GRAMD1B: variants seen among roughly 807,000 people sequenced by gnomAD.
GRAMD1B encodes GRAM domain containing 1B.
A neutral mutation model predicts 99.7 loss-of-function variants in GRAMD1B; 37 were observed. The ratio of observed to expected loss-of-function variants is 0.37; its 90% confidence interval spans 0.29 to 0.49. The LOEUF (loss-of-function observed/expected upper bound fraction) is 0.49. Among genes scored for constraint, GRAMD1B ranks in the 20% least tolerant of loss-of-function variants. The probability of loss-of-function intolerance (pLI) is 0.98; values close to 1 mark genes in which losing one functional copy is unlikely to be tolerated. For missense variants in GRAMD1B, 888 were observed against 1,009.2 expected, an observed-to-expected ratio of 0.88 and a Z score of 1.63; for synonymous variants, 427 against 387.6, an observed-to-expected ratio of 1.10 and a Z score of -1.19.
chr11:123,358,843 T>TCCTA (rs1289322820), intron 1 of GRAMD1B: 38 of 152,340 alleles, frequency 2.5e-4, no homozygotes, highest in African/African-American at 8.9e-4. Context: ...GGAACACACA[T>TCCTA]GGATGCCGAG....
chr11:123,427,471 G>C (rs1031659489), upstream of GRAMD1B, among the ~76,000 whole-genome samples: 1 of 152,182 alleles, frequency 6.6e-6, no homozygotes, highest in Non-Finnish European at 1.5e-5. Context: ...CAGGATACTG[G>C]AGAGAATTAA....
intron 1 of GRAMD1B, 190 bp from the exon 2 acceptor site, chr11:123,480,626 G>T (rs1951542398): frequency 8.0e-6 from 3 of 376,764 alleles, no homozygotes; most frequent in Non-Finnish European, 1.4e-5. Context: ...GATGGCTGGG[G>T]ATTTTATCAG....
intron 2 of GRAMD1B, among the ~76,000 whole-genome samples, chr11:123,518,653 G>A (rs1336051243): frequency 1.3e-5 from 2 of 152,190 alleles, no homozygotes; most frequent in Admixed American, 6.5e-5. Context: ...ACCTCACTAA[G>A]CCTGCGTGTC....
chr11:123,507,191 A>G (rs1275234535), intron 2 of GRAMD1B, among the ~76,000 whole-genome samples: 1 of 152,216 alleles, frequency 6.6e-6, no homozygotes, highest in African/African-American at 2.4e-5. Context: ...AATAAAGAGG[A>G]TGGCAGGCCA....
intron 1 of GRAMD1B, among the ~76,000 whole-genome samples, chr11:123,389,624 G>A (rs1947202081): frequency 6.6e-6 from 1 of 152,122 alleles, no homozygotes; most frequent in African/African-American, 2.4e-5. Flanking sequence ...TAATAATTAT[G>A]TATTAATATT....
intron 1 of GRAMD1B, among the ~76,000 whole-genome samples, chr11:123,411,792 T>C (rs938880354): frequency 6.6e-6 from 1 of 152,092 alleles, no homozygotes; most frequent in Admixed American, 6.6e-5. Context: ...GGACTACAGG[T>C]GTGCACCACC....
At chr11:123,401,354 G>A (rs1947654877) in intron 1 of GRAMD1B, among the ~76,000 whole-genome samples, 1 of 152,246 alleles carries the variant, frequency 6.6e-6, no homozygotes. Flanking sequence ...GCTCCCAGGT[G>A]TCACAGCCTG....
chr11:123,585,206 T>C (rs530696930), intron 4 of GRAMD1B, among the ~76,000 whole-genome samples: 7 of 152,262 alleles, frequency 4.6e-5, no homozygotes, highest in African/African-American at 1.7e-4. Context: ...GCAGGAGATA[T>C]GGGCATGGAG....
intron 3 of GRAMD1B, among the ~76,000 whole-genome samples, chr11:123,583,490 C>T (rs952698918): frequency 6.6e-6 from 1 of 152,118 alleles, no homozygotes; most frequent in African/African-American, 2.4e-5. Context: ...ACAAGCTTGT[C>T]TATCTGCGTG....
At chr11:123,436,148 G>T (rs960952936) in intron 1 of GRAMD1B, among the ~76,000 whole-genome samples, 4 of 151,870 alleles carry the variant, frequency 2.6e-5, no homozygotes, top group African/African-American at 9.7e-5. Flanking sequence ...TCACCATGTT[G>T]GCCAGGTGGG....
intron 2 of GRAMD1B, among the ~76,000 whole-genome samples, chr11:123,501,894 T>C (rs539362008): frequency 6.6e-6 from 1 of 152,378 alleles, no homozygotes; most frequent in South Asian, 2.1e-4. Context: ...ACAACATCTT[T>C]CTGATGCTTT....
chr11:123,360,834 T>TCCTC (rs1324278152), intron 1 of GRAMD1B, among the ~76,000 whole-genome samples: 3 of 123,552 alleles, frequency 2.4e-5, no homozygotes, highest in Non-Finnish European at 3.3e-5. Context: ...CTTCCTTCCT[T>TCCTC]CCATGGAGTT....
intron 1 of GRAMD1B, among the ~76,000 whole-genome samples, chr11:123,408,632 G>A (rs1947936996): frequency 1.3e-5 from 2 of 152,254 alleles, no homozygotes; most frequent in Non-Finnish European, 2.9e-5. Flanking sequence ...TTGAGCCAGA[G>A]GGTGTTGTCC....
At chr11:123,584,287 CT>C in intron 3 of GRAMD1B, 24 bp from the exon 4 acceptor site, 1 of 918,534 alleles carries the variant, frequency 1.1e-6, no homozygotes. Context: ...CTAATTCTAC[CT>C]TCTCTTTCAT....
At chr11:123,603,315 G>A (rs1952226661) in intron 8 of GRAMD1B, 111 bp from the exon 9 acceptor site, 2 of 693,976 alleles carry the variant, frequency 2.9e-6, no homozygotes, top group South Asian at 1.6e-5. Context: ...TTCAGCTAAG[G>A]AGAGAGGAGT....
chr11:123,438,327 C>T (rs1204337084), intron 1 of GRAMD1B, among the ~76,000 whole-genome samples: 14 of 152,134 alleles, frequency 9.2e-5, no homozygotes, highest in Non-Finnish European at 1.5e-5. Flanking sequence ...ATTACAGCTC[C>T]ACTGCCCTAT....
chr11:123,614,684 C>A (rs1954101652), intron 16 of GRAMD1B, 61 bp from the exon 17 acceptor site: 2 of 954,054 alleles, frequency 2.1e-6, no homozygotes, highest in Admixed American at 1.8e-5. Flanking sequence ...CCAGTGTCCC[C>A]ACCAGCAGTT....
At chr11:123,369,491 G>T (rs1049790433) in intron 1 of GRAMD1B, among the ~76,000 whole-genome samples, 3 of 152,060 alleles carry the variant, frequency 2.0e-5, no homozygotes, top group African/African-American at 7.2e-5. Flanking sequence ...GTAGAAGGAA[G>T]AATGAAAGGG....
chr11:123,610,165 G>T lies in GRAMD1B; in HGVS notation c.1777-31G>T. ...TTTCCAAGCTTCTTGCTCCTCTTCA[G>T]TTTTGTCCAATGGACCTTTCCTGCC... is the stretch of plus-strand genomic sequence containing the variant. On this transcript the variant is annotated intron_variant, in intron 13 of 19. Coordinates refer to ENST00000635736, the MANE Select transcript of GRAMD1B (RefSeq NM_001387025.1). This position sits in a 1 kb window ranked among gnomAD's most constrained non-coding sequence, Gnocchi z 4.1. The T allele has an allele frequency of 6.2e-7, 1 of 1,612,916 alleles. No homozygotes were observed. Among genetic ancestry groups the T allele is most frequent in the Non-Finnish European group, 8.5e-7 (1 of 1,179,160 alleles).
Sources: gnomAD v4.1 joint callset for allele counts (sites outside exome capture counted in the v4.1 genomes callset) on GRCh38, gnomAD v4.1.1 for gene constraint, Gnocchi (gnomAD v3.1) non-coding constraint, MANE v1.5 for transcripts, NCBI Gene and HGNC (gene_info 2026-07-23, HGNC 2026-07-21) for gene names.